USH2A: variants seen among roughly 807,000 people sequenced by gnomAD.
USH2A encodes usherin.
In USH2A, 443 loss-of-function variants were observed where a neutral mutation model predicts 538.9. The observed-to-expected ratio is 0.82, with a 90% CI of 0.76 to 0.89. The LOEUF (loss-of-function observed/expected upper bound fraction) is 0.89, where lower values mean the gene tolerates loss of function less well. Ranked by LOEUF, USH2A falls within the 40% of genes least tolerant of loss-of-function variation. USH2A has a pLI of 0.00. For synonymous variants in USH2A, 2,413 were observed against 2,273.5 expected (o/e 1.06, Z -1.75); for missense variants, 6,633 against 6,324.8 (o/e 1.05, Z -1.65).
chr1:216,364,722 G>C (rs963673239), intron 4 of USH2A, among the ~76,000 whole-genome samples: 2 of 152,130 alleles, frequency 1.3e-5, no homozygotes, highest in Non-Finnish European at 2.9e-5. Context: ...TGCCCTCAGA[G>C]CCTCCAGAAG....
At chr1:216,052,202 T>C (rs1391316341) in intron 30 of USH2A, among the ~76,000 whole-genome samples, 5 of 152,150 alleles carry the variant, frequency 3.3e-5, no homozygotes, top group African/African-American at 7.2e-5. Flanking sequence ...CCAAATTGTA[T>C]TGTATTTCAT....
chr1:215,869,845 G>T (rs766519232), intron 43 of USH2A, among the ~76,000 whole-genome samples: 1 of 152,072 alleles, frequency 6.6e-6, no homozygotes, highest in African/African-American at 2.4e-5. Flanking sequence ...ATTCTATAGG[G>T]CTTTAGTTTT....
intron 50 of USH2A, among the ~76,000 whole-genome samples, chr1:215,791,551 T>C (rs112076289): frequency 0.012 from 1,896 of 152,326 alleles, 40 homozygotes; most frequent in African/African-American, 0.043. Context: ...GTCTCTAATA[T>C]TAAAAACTCT....
chr1:215,682,825 G>A (rs1418872425), intron 61 of USH2A, among the ~76,000 whole-genome samples: 3 of 151,026 alleles, frequency 2.0e-5, no homozygotes. Flanking sequence ...AAATTATACT[G>A]AGGACAAGTT....
intron 21 of USH2A, among the ~76,000 whole-genome samples, chr1:216,146,353 G>A (rs745992791): frequency 1.3e-5 from 2 of 152,008 alleles, no homozygotes; most frequent in Non-Finnish European, 1.5e-5. Flanking sequence ...TGTTTTATCC[G>A]TGAACTCAAA....
At position 215,844,443 on chromosome 1, in the gene USH2A, G is replaced by A. The variant is rs770418427; in HGVS notation, c.9109C>T (p.Arg3037Cys). ...EVVIINSTAVRVIWTSPSNPN... is the reference protein window; with the variant it reads ...EVVIINSTAVCVIWTSPSNPN... ...TTTGAAGGAGATGTCCAGATGACAC[G>A]TACAGCTGTACTGTTGATGATGACA... The change falls in exon 46 of 72, where the codon CGT (arginine) becomes TGT (cysteine). Residue 3037 changes from arginine to cysteine, a missense_variant. By Grantham distance (180) the Arg-to-Cys change is radical (BLOSUM62 -3). Coordinates refer to ENST00000307340, the MANE Select transcript of USH2A (RefSeq NM_206933.4). 8.1e-6 allele frequency: 13 copies of A among 1,612,584 alleles called. No homozygotes were observed. Among genetic ancestry groups the A allele is most frequent in the East Asian group, 4.5e-5 (2 of 44,874 alleles).
intron 58 of USH2A, among the ~76,000 whole-genome samples, chr1:215,755,566 CCTT>C (rs2102738337): frequency 6.6e-6 from 1 of 152,292 alleles, no homozygotes; most frequent in Non-Finnish European, 1.5e-5. Context: ...AGTTTGAAAT[CCTT>C]CTAGACACCA....
intron 37 of USH2A, among the ~76,000 whole-genome samples, chr1:215,947,294 T>A (rs1415049375): frequency 6.6e-6 from 1 of 152,190 alleles, no homozygotes; most frequent in Non-Finnish European, 1.5e-5. Flanking sequence ...TCTGCCACCC[T>A]CAGCCTCCCA....
At chr1:216,161,797 A>G (rs1004142903) in intron 21 of USH2A, among the ~76,000 whole-genome samples, 1 of 151,996 alleles carries the variant, frequency 6.6e-6, no homozygotes, top group Non-Finnish European at 1.5e-5. Context: ...CTTGACTGGT[A>G]GTTTTCTTTT....
At chr1:215,756,919 T>G (rs867786489) in intron 58 of USH2A, among the ~76,000 whole-genome samples, 5 of 147,352 alleles carry the variant, frequency 3.4e-5, no homozygotes, top group Non-Finnish European at 7.4e-5. Context: ...GGTCTCAAAA[T>G]AAACAAACAA....
At position 216,394,243 on chromosome 1, in the gene USH2A, C is replaced by G. The variant is rs2039163299; in HGVS notation, c.651+24271G>C. Among the ~76,000 whole-genome samples the G allele has an allele frequency of 5.9e-5, 9 of 152,060 alleles. No individual in the cohort carries two copies. The South Asian group carries it at 1.9e-3, about 32-fold the overall frequency. On this transcript the variant is annotated intron_variant, in intron 3 of 71. Coordinates refer to ENST00000307340, the MANE Select transcript of USH2A (RefSeq NM_206933.4). ...TTGCTGGTGAGAAGGCAAAATGGTA[C>G]AGCCACCGTGGAAAAAGTCTGTCAA...
intron 34 of USH2A, among the ~76,000 whole-genome samples, chr1:215,995,064 T>C (rs1282701746): frequency 6.6e-6 from 1 of 152,204 alleles, no homozygotes; most frequent in Non-Finnish European, 1.5e-5. Flanking sequence ...AGTCTACTTG[T>C]CACTATTTTT....
Position 215,878,824 on chromosome 1 carries a change from C to CTT in USH2A, c.8496_8497dup (p.Ser2833LysfsTer7), listed in dbSNP as rs1260370280. ...CCAAGAAATCACAACATATGATTCA[C>CTT]TTAGTGGAATCACAGACAATGGGCC... On this transcript the variant is annotated frameshift_variant, in exon 42 of 72. Transcript: ENST00000307340. LOFTEE classifies it high-confidence loss of function. 2 of 1,613,998 alleles carry CTT rather than the reference C, an allele frequency of 1.2e-6. No individual in the cohort carries two copies. The highest frequency in any genetic ancestry group is 2.2e-5 in the South Asian group (2 of 91,082).
chr1:215,671,578 G>A lies in USH2A; in HGVS notation c.13812-285C>T, dbSNP rs567308979. The stretch of plus-strand genomic sequence containing the variant: ...ATTTTTGAACAATCAAAATCCCCCT[G>A]GCTTTCTAAACTAAAGTTCCTGATC... On this transcript the variant is annotated intron_variant, in intron 63 of 71. Transcript: ENST00000307340. Among the ~76,000 whole-genome samples, 168 of 152,124 alleles carry A rather than the reference G, an allele frequency of 1.1e-3. 1 individual carries two copies. Among genetic ancestry groups the A allele is most frequent in the African/African-American group, 3.6e-3 (149 of 41,490 alleles).
chr1:216,005,721 T>A (rs1668375509), intron 32 of USH2A, among the ~76,000 whole-genome samples: 1 of 152,156 alleles, frequency 6.6e-6, no homozygotes, highest in Non-Finnish European at 1.5e-5. Flanking sequence ...AAGCTGTACC[T>A]GTCTGAATGC....
intron 3 of USH2A, among the ~76,000 whole-genome samples, chr1:216,404,648 G>A (rs372740036): frequency 1.4e-5 from 2 of 145,416 alleles, no homozygotes; most frequent in East Asian, 4.0e-4. Flanking sequence ...TTAAGACAGG[G>A]TCTCACTCTG....
intron 30 of USH2A, 48 bp from the exon 31 acceptor site, chr1:216,048,695 C>T: frequency 6.9e-7 from 1 of 1,441,028 alleles, no homozygotes; most frequent in Non-Finnish European, 9.8e-7. Flanking sequence ...CCATAAGCAT[C>T]AATAAAGAGC....
At chr1:216,245,613 AT>A (rs2036025071) in intron 13 of USH2A, among the ~76,000 whole-genome samples, 1 of 152,036 alleles carries the variant, frequency 6.6e-6, no homozygotes, top group South Asian at 2.1e-4. Flanking sequence ...TAGTTATAAT[AT>A]AGTCTCCATT....
At chr1:216,356,853 T>C (rs2038399548) in intron 4 of USH2A, among the ~76,000 whole-genome samples, 1 of 152,120 alleles carries the variant, frequency 6.6e-6, no homozygotes, top group Admixed American at 6.6e-5. Context: ...TTGGATTAAG[T>C]AGTTTTCGCA....
Sources: gnomAD v4.1 joint callset for allele counts (sites outside exome capture counted in the v4.1 genomes callset) on GRCh38, gnomAD v4.1.1 for gene constraint, MANE v1.5 for transcripts, NCBI Gene and HGNC (gene_info 2026-07-23, HGNC 2026-07-21) for gene names.